The following CRYBA4 variants were observed in gnomAD, a reference collection of about 807,000 sequenced individuals.
CRYBA4 encodes the protein beta-crystallin A4.
Under a neutral mutation model 31.7 loss-of-function variants are expected in CRYBA4, and 30 were observed. The ratio of observed to expected loss-of-function variants is 0.95; its 90% CI spans 0.71 to 1.28. The LOEUF is 1.28. Ranked by LOEUF, CRYBA4 falls within the 50% of genes most tolerant of loss-of-function variation. The pLI is 0.00. For missense variants in CRYBA4, 225 were observed against 260.7 expected, an observed-to-expected ratio of 0.86 and a Z score of 0.94; for synonymous variants, 102 against 102.3, an observed-to-expected ratio of 1.00 and a Z score of 0.02.
At chr22:26,592,566 A>G in the CRYBA4 span, among the ~76,000 whole-genome samples, 1 of 152,248 alleles carries the variant, frequency 6.6e-6, no homozygotes, top group Non-Finnish European at 1.5e-5. Flanking sequence ...GGGGCCTTGC[A>G]TGAAGTGCAG....
chr22:26,627,784 G>GTCTCCCA (rs1180895570), intron 4 of CRYBA4, among the ~76,000 whole-genome samples: 5 of 151,990 alleles, frequency 3.3e-5, no homozygotes, highest in African/African-American at 9.7e-5. Flanking sequence ...AAGTAGCTGA[G>GTCTCCCA]ATTACAGGCA....
At chr22:26,613,549 G>A in the CRYBA4 span, among the ~76,000 whole-genome samples, 1 of 152,150 alleles carries the variant, frequency 6.6e-6, no homozygotes, top group Non-Finnish European at 1.5e-5. Flanking sequence ...AACATAAATT[G>A]TAAAGATTTC....
the CRYBA4 span, chr22:26,599,554 AGGC>A: frequency 6.2e-7 from 1 of 1,614,174 alleles, no homozygotes; most frequent in Non-Finnish European, 8.5e-7. Flanking sequence ...CTTGTCACGC[AGGC>A]GACGCAGGGA....
At chr22:26,626,203 A>G (rs1929700041) in intron 4 of CRYBA4, among the ~76,000 whole-genome samples, 1 of 152,156 alleles carries the variant, frequency 6.6e-6, no homozygotes, top group Non-Finnish European at 1.5e-5. Context: ...GGAGTTCAAG[A>G]TCAGCTTGGC....
At chr22:26,615,605 C>G in the CRYBA4 span, among the ~76,000 whole-genome samples, 2 of 152,090 alleles carry the variant, frequency 1.3e-5, no homozygotes, top group African/African-American at 4.8e-5. Flanking sequence ...CCTCCGCCTC[C>G]TGGGTTCAAG....
chr22:26,602,914 G>A, the CRYBA4 span, among the ~76,000 whole-genome samples: 4 of 151,178 alleles, frequency 2.6e-5, no homozygotes, highest in Admixed American at 6.6e-5. Flanking sequence ...ATGTGGTCAG[G>A]AGATCAAGAC....
the CRYBA4 span, among the ~76,000 whole-genome samples, chr22:26,603,431 G>A: frequency 6.6e-6 from 1 of 152,074 alleles, no homozygotes; most frequent in Non-Finnish European, 1.5e-5. Flanking sequence ...TCGGGAGGCT[G>A]AGGCAGGAGA....
At chr22:26,602,219 C>G in the CRYBA4 span, among the ~76,000 whole-genome samples, 1 of 151,996 alleles carries the variant, frequency 6.6e-6, no homozygotes, top group Non-Finnish European at 1.5e-5. Context: ...ATAGGGTCCT[C>G]GTGAGGATGA....
chr22:26,618,453 T>A (rs1311959341), upstream of CRYBA4, among the ~76,000 whole-genome samples: 5 of 151,286 alleles, frequency 3.3e-5, no homozygotes, highest in African/African-American at 1.2e-4. Context: ...GGTGGGCACG[T>A]GTCCCTGTTG....
the CRYBA4 span, among the ~76,000 whole-genome samples, chr22:26,594,623 G>A: frequency 6.6e-6 from 1 of 152,108 alleles, no homozygotes; most frequent in Non-Finnish European, 1.5e-5. Flanking sequence ...CCCGGGAGGT[G>A]GAGGTTGTGG....
chr22:26,623,184 C>T lies in CRYBA4; in HGVS notation c.40-50C>T. 4 of 1,500,240 alleles carry T rather than the reference C, an allele frequency of 2.7e-6. 1 individual carries two copies. In the South Asian group the frequency reaches 4.5e-5, roughly 17 times the overall value. The allele number at this position is 1,500,240 out of a possible 1,614,324, so 92.9% of individuals were successfully genotyped here. Reference sequence around the variant, plus strand: ...TGGGGCGAGCCCCCAACCTCTCACCCTTCACGGGACTCTGATGCGGATCTC... The same window carrying T: ...TGGGGCGAGCCCCCAACCTCTCACCTTTCACGGGACTCTGATGCGGATCTC... On this transcript the variant is annotated intron_variant, in intron 2 of 5. Transcript: ENST00000354760.
chr22:26,622,103 T>C, intron 1 of CRYBA4, 117 bp downstream of exon 1: 1 of 387,242 alleles, frequency 2.6e-6, no homozygotes, highest in Non-Finnish European at 3.6e-6. Flanking sequence ...AATGCCATCC[T>C]CATCCTAACC....
chr22:26,618,043 G>C (rs780091439), upstream of CRYBA4: 2 of 152,908 alleles, frequency 1.3e-5, no homozygotes, highest in East Asian at 1.9e-4. Context: ...ACTAGAGTCC[G>C]ACCCCCCATT....
At chr22:26,613,939 G>C in the CRYBA4 span, among the ~76,000 whole-genome samples, 2 of 152,232 alleles carry the variant, frequency 1.3e-5, no homozygotes, top group East Asian at 1.9e-4. Flanking sequence ...CTCTAAACTG[G>C]CCCCCCTGGG....
chr22:26,628,474 G>A, intron 5 of CRYBA4, 44 bp downstream of exon 5: 1 of 1,610,374 alleles, frequency 6.2e-7, no homozygotes, highest in Non-Finnish European at 8.5e-7. Context: ...GGGGCTACTG[G>A]GAGGGGTAGG....
rs551412345 is a variant in CRYBA4 at position 26,626,421 on chromosome 22, A to G, written c.300+799A>G. ...TCTGTCTCAAAACAAAACAAAACAA[A>G]AAAACAAAAACAAACAAACAAACAC... On this transcript the variant is annotated intron_variant, in intron 4 of 5. Coordinates refer to ENST00000354760, the MANE Select transcript of CRYBA4 (RefSeq NM_001886.3). Among the ~76,000 whole-genome samples the G allele has an allele frequency of 3.9e-5, 6 of 152,310 alleles. No homozygotes were observed. The South Asian group carries it at 1.2e-3, about 32-fold the overall frequency.
chr22:26,592,775 A>G, the CRYBA4 span, among the ~76,000 whole-genome samples: 1 of 152,194 alleles, frequency 6.6e-6, no homozygotes, highest in East Asian at 1.9e-4. Context: ...TGTGAAGAAG[A>G]AACAGGCAGA....
chr22:26,609,123 G>A, the CRYBA4 span, among the ~76,000 whole-genome samples: 2 of 152,130 alleles, frequency 1.3e-5, no homozygotes, highest in African/African-American at 2.4e-5. Flanking sequence ...AAAAAGAGAC[G>A]GATGAGGGGA....
At chr22:26,611,454 G>GTTTGT in the CRYBA4 span, among the ~76,000 whole-genome samples, 1 of 142,776 alleles carries the variant, frequency 7.0e-6, no homozygotes, top group African/African-American at 2.5e-5. Flanking sequence ...GCTAGAGTTT[G>GTTTGT]TTTTTTTTTT....
Sources: gnomAD v4.1 joint callset for allele counts (sites outside exome capture counted in the v4.1 genomes callset) on GRCh38, gnomAD v4.1.1 for gene constraint, MANE v1.5 for transcripts, NCBI Gene and HGNC (gene_info 2026-07-23, HGNC 2026-07-21) for gene names.